The following EIF3H variants were observed in gnomAD, a reference collection of about 807,000 sequenced individuals.
The protein encoded by EIF3H is eIF-3-gamma.
EIF3H carries 26 observed loss-of-function variants against 44.2 expected under a neutral mutation model. That is an observed-to-expected ratio of 0.59 (90% confidence interval 0.43 to 0.82). The LOEUF (loss-of-function observed/expected upper bound fraction) is 0.82. Among genes scored for constraint, EIF3H ranks in the 40% least tolerant of loss-of-function variants. The pLI, the probability that EIF3H is intolerant of heterozygous loss-of-function variation, is 0.00. For synonymous variants in EIF3H, 166 were observed against 151.9 expected (o/e 1.09, Z -0.68); for missense variants, 359 against 432.8 (o/e 0.83, Z 1.51).
chr8:116,646,711 C>A (rs889237111), intron 6 of EIF3H, 108 bp from the exon 7 acceptor site: 3 of 1,439,382 alleles, frequency 2.1e-6, no homozygotes, highest in Non-Finnish European at 2.8e-6. Flanking sequence ...TGAATTCCAA[C>A]CTCAGTTTTT....
chr8:116,712,487 A>G (rs1367879060), intron 2 of EIF3H, among the ~76,000 whole-genome samples: 2 of 152,234 alleles, frequency 1.3e-5, no homozygotes, highest in Non-Finnish European at 2.9e-5. Context: ...CTACACCATT[A>G]CATTATTACT....
intron 2 of EIF3H, among the ~76,000 whole-genome samples, chr8:116,705,189 T>C (rs1814446633): frequency 6.6e-6 from 1 of 152,200 alleles, no homozygotes; most frequent in African/African-American, 2.4e-5. Context: ...TATATACATA[T>C]TTTCATATGA....
chr8:116,685,027 T>A (rs1043509631), intron 2 of EIF3H, among the ~76,000 whole-genome samples: 2 of 152,324 alleles, frequency 1.3e-5, no homozygotes, highest in Admixed American at 1.3e-4. Flanking sequence ...AGAGTATAGA[T>A]GCAATATGAA....
chr8:116,703,610 T>TCC (rs1386965842), intron 2 of EIF3H, among the ~76,000 whole-genome samples: 1 of 152,102 alleles, frequency 6.6e-6, no homozygotes, highest in African/African-American at 2.4e-5. Flanking sequence ...ATGTAAGCTG[T>TCC]CCTCTCTCTC....
chr8:116,704,195 C>T (rs1181449361), intron 2 of EIF3H, among the ~76,000 whole-genome samples: 2 of 152,202 alleles, frequency 1.3e-5, no homozygotes, highest in Admixed American at 1.3e-4. Flanking sequence ...TGATTCCATA[C>T]ATTGTAGCAA....
At chr8:116,734,607 G>C (rs1225244783) in intron 1 of EIF3H, among the ~76,000 whole-genome samples, 2 of 152,202 alleles carry the variant, frequency 1.3e-5, no homozygotes, top group Admixed American at 6.5e-5. Context: ...ACAGGCTGGA[G>C]TGCAGTGGCA....
At chr8:116,655,273 A>G (rs1437786885) in intron 5 of EIF3H, among the ~76,000 whole-genome samples, 1 of 151,186 alleles carries the variant, frequency 6.6e-6, no homozygotes, top group African/African-American at 2.4e-5. Flanking sequence ...AATAAACATT[A>G]TCTCAGCAAC....
At chr8:116,678,862 G>T (rs1390844961) in intron 2 of EIF3H, among the ~76,000 whole-genome samples, 13 of 122,704 alleles carry the variant, frequency 1.1e-4, no homozygotes, top group Admixed American at 6.1e-4. Context: ...GGAGGGAGGT[G>T]GGGGGGGGTC....
At chr8:116,739,261 C>A (rs1815091619) in intron 1 of EIF3H, among the ~76,000 whole-genome samples, 1 of 152,212 alleles carries the variant, frequency 6.6e-6, no homozygotes, top group Admixed American at 6.5e-5. Context: ...CCAGACCCAT[C>A]CCTTTATTTA....
chr8:116,762,784 A>G (rs2131013457), intron 1 of EIF3H, among the ~76,000 whole-genome samples: 1 of 152,262 alleles, frequency 6.6e-6, no homozygotes, highest in South Asian at 2.1e-4. Context: ...CCCTACTTAA[A>G]TATACAAAAA....
intron 2 of EIF3H, among the ~76,000 whole-genome samples, chr8:116,718,415 C>T (rs117829886): frequency 0.011 from 1,663 of 152,128 alleles, 12 homozygotes; most frequent in South Asian, 0.038. Context: ...GATACTTGTA[C>T]ATGTATGTTT....
At position 116,694,143 on chromosome 8, in the gene EIF3H, C is replaced by G. The variant is rs1307751450; in HGVS notation, c.289+31873G>C. Among the ~76,000 whole-genome samples, 6 of 147,470 alleles carry G rather than the reference C, an allele frequency of 4.1e-5. No homozygotes were observed. In the East Asian group the frequency reaches 1.2e-3, roughly 29 times the overall value. On this transcript the variant is annotated intron_variant, in intron 2 of 7. Coordinates refer to ENST00000521861, the MANE Select transcript of EIF3H (RefSeq NM_003756.3). ...TGCAAGGTCAAGAATTATGAGCAAA[C>G]CTTTTTTTTTTTTTTACATTGCCAA...
chr8:116,748,408 A>G (rs980591467), intron 1 of EIF3H, among the ~76,000 whole-genome samples: 1 of 152,226 alleles, frequency 6.6e-6, no homozygotes, highest in Admixed American at 6.5e-5. Context: ...TTTCAAACAG[A>G]TAAGAAATCA....
intron 1 of EIF3H, among the ~76,000 whole-genome samples, chr8:116,727,237 C>T (rs893537799): frequency 2.0e-5 from 3 of 152,194 alleles, no homozygotes; most frequent in Non-Finnish European, 2.9e-5. Flanking sequence ...AGAATCAATG[C>T]GGTTGTCAGC....
At chr8:116,744,761 A>G (rs139915603) in intron 1 of EIF3H, among the ~76,000 whole-genome samples, 164 of 152,374 alleles carry the variant, frequency 1.1e-3, no homozygotes, top group African/African-American at 3.8e-3. Context: ...CTAATTTTGA[A>G]AAGAAAGCAA....
At chr8:116,735,242 T>C (rs1815014544) in intron 1 of EIF3H, among the ~76,000 whole-genome samples, 1 of 152,230 alleles carries the variant, frequency 6.6e-6, no homozygotes, top group South Asian at 2.1e-4. Flanking sequence ...ATCTCTGTTC[T>C]TGGGTCAGGA....
chr8:116,732,087 T>A (rs778069987), intron 1 of EIF3H, among the ~76,000 whole-genome samples: 28 of 152,236 alleles, frequency 1.8e-4, no homozygotes, highest in Non-Finnish European at 3.5e-4. Context: ...ACAGATGTCC[T>A]GTCTGCTGAA....
At chr8:116,716,535 C>T (rs1814661453) in intron 2 of EIF3H, among the ~76,000 whole-genome samples, 1 of 152,052 alleles carries the variant, frequency 6.6e-6, no homozygotes, top group African/African-American at 2.4e-5. Flanking sequence ...AAAAAATTAT[C>T]AATTTATGAT....
chr8:116,742,784 C>T (rs1480718503), intron 1 of EIF3H, among the ~76,000 whole-genome samples: 1 of 152,202 alleles, frequency 6.6e-6, no homozygotes, highest in African/African-American at 2.4e-5. Context: ...GAAGAGGGTG[C>T]TTGGAAGACA....
Sources: allele counts gnomAD v4.1 joint callset (sites outside exome capture counted in the v4.1 genomes callset), GRCh38; gene constraint gnomAD v4.1.1; transcripts MANE v1.5; gene names NCBI Gene and HGNC (gene_info 2026-07-23, HGNC 2026-07-21).